The following KCNK2 variants were observed in gnomAD, a reference collection of about 807,000 sequenced individuals.
KCNK2 encodes potassium channel subfamily K member 2.
In KCNK2, 21 loss-of-function variants were observed where a neutral mutation model predicts 40.5. The observed-to-expected ratio is 0.52, with a 90% CI of 0.37 to 0.75. The LOEUF (loss-of-function observed/expected upper bound fraction) is 0.75, where lower values mean the gene tolerates loss of function less well. Among genes scored for constraint, KCNK2 ranks in the 30% least tolerant of loss-of-function variants. KCNK2 has a pLI of 0.00. For synonymous variants in KCNK2, 191 were observed against 202.2 expected (o/e 0.94, Z 0.47); for missense variants, 399 against 531.6 (o/e 0.75, Z 2.45).
chr1:215,021,994 T>A (rs540098495), intron 1 of KCNK2, among the ~76,000 whole-genome samples: 4 of 152,216 alleles, frequency 2.6e-5, no homozygotes, highest in Non-Finnish European at 5.9e-5. Flanking sequence ...TTCAGGCATT[T>A]TGGCTCAACT....
intron 1 of KCNK2, among the ~76,000 whole-genome samples, chr1:215,019,595 A>G (rs377643015): frequency 1.2e-3 from 178 of 152,318 alleles, no homozygotes; most frequent in African/African-American, 4.3e-3. Context: ...CATATTTACA[A>G]TTTTCATTTG....
intron 6 of KCNK2, among the ~76,000 whole-genome samples, chr1:215,230,998 C>G (rs1467099976): frequency 6.6e-6 from 1 of 152,186 alleles, no homozygotes; most frequent in East Asian, 1.9e-4. Context: ...TCCTAATTGG[C>G]AGGAATCACT....
At chr1:215,097,424 T>C (rs1660025951) in intron 2 of KCNK2, among the ~76,000 whole-genome samples, 1 of 151,668 alleles carries the variant, frequency 6.6e-6, no homozygotes, top group African/African-American at 2.4e-5. Context: ...CTTTCCTTTT[T>C]TTCTTAAAAA....
chr1:215,051,265 A>C (rs1363704370), intron 1 of KCNK2, among the ~76,000 whole-genome samples: 1 of 152,108 alleles, frequency 6.6e-6, no homozygotes, highest in Non-Finnish European at 1.5e-5. Context: ...TTTTATGTGG[A>C]AGATGGAAGG....
chr1:215,133,161 G>A (rs1473252741), intron 3 of KCNK2, among the ~76,000 whole-genome samples: 2 of 152,142 alleles, frequency 1.3e-5, no homozygotes, highest in African/African-American at 4.8e-5. Flanking sequence ...TATCTCTAGT[G>A]TAATTCAAGT....
At chr1:215,115,862 A>G (rs1377147966) in intron 2 of KCNK2, among the ~76,000 whole-genome samples, 1 of 152,044 alleles carries the variant, frequency 6.6e-6, no homozygotes, top group Non-Finnish European at 1.5e-5. Context: ...AGGAAGACTC[A>G]TGGAAAAATG....
chr1:215,148,113 C>G (rs144682795), intron 3 of KCNK2, among the ~76,000 whole-genome samples: 136 of 77,496 alleles, frequency 1.8e-3, no homozygotes, highest in African/African-American at 6.8e-3. Flanking sequence ...GGGTCTTGCT[C>G]TGTTGCCCAG....
chr1:215,149,477 C>T (rs1662589262), intron 3 of KCNK2, among the ~76,000 whole-genome samples: 1 of 152,094 alleles, frequency 6.6e-6, no homozygotes. Flanking sequence ...TGAAAAGATA[C>T]TTTATGAAGA....
At chr1:215,042,576 T>C (rs11120472) in intron 1 of KCNK2, among the ~76,000 whole-genome samples, 1,895 of 152,310 alleles carry the variant, frequency 0.012, 37 homozygotes, top group African/African-American at 0.043. Context: ...TGACTAAGAA[T>C]AAGAGTAGAA....
intron 2 of KCNK2, among the ~76,000 whole-genome samples, chr1:215,096,035 C>T (rs961169842): frequency 1.3e-5 from 2 of 152,090 alleles, no homozygotes; most frequent in South Asian, 2.1e-4. Context: ...ACTAAATTCA[C>T]GTGCTACCTG....
chr1:215,206,606 A>G (rs1203737523), intron 6 of KCNK2, among the ~76,000 whole-genome samples: 1 of 152,068 alleles, frequency 6.6e-6, no homozygotes, highest in Non-Finnish European at 1.5e-5. Flanking sequence ...TTGCGTCTCA[A>G]CTCCACAGAC....
At chr1:215,045,463 A>G (rs2102495683) in intron 1 of KCNK2, among the ~76,000 whole-genome samples, 1 of 152,296 alleles carries the variant, frequency 6.6e-6, no homozygotes, top group African/African-American at 2.4e-5. Flanking sequence ...CTAAAATTCA[A>G]AGAGAACTGT....
intron 3 of KCNK2, among the ~76,000 whole-genome samples, chr1:215,151,743 T>A (rs1186246291): frequency 6.6e-6 from 1 of 152,096 alleles, no homozygotes; most frequent in African/African-American, 2.4e-5. Context: ...TTCTTATAAA[T>A]CTTTGTTGCT....
intron 1 of KCNK2, among the ~76,000 whole-genome samples, chr1:215,043,280 G>C (rs932970803): frequency 1.3e-5 from 2 of 152,208 alleles, no homozygotes; most frequent in Admixed American, 1.3e-4. Flanking sequence ...CATTGATCCA[G>C]CAATTTCATT....
At chr1:215,218,411 A>T (rs1217972590) in intron 6 of KCNK2, among the ~76,000 whole-genome samples, 1 of 152,186 alleles carries the variant, frequency 6.6e-6, no homozygotes, top group African/African-American at 2.4e-5. Flanking sequence ...GAATCCTAGT[A>T]TCGCTACCCG....
At chr1:215,023,577 G>A (rs567933112) in intron 1 of KCNK2, among the ~76,000 whole-genome samples, 25 of 152,276 alleles carry the variant, frequency 1.6e-4, no homozygotes, top group South Asian at 4.2e-4. Context: ...CAGTGAGCCC[G>A]ACCATGTTAT....
chr1:215,103,191 G>A (rs1489566190), intron 2 of KCNK2, among the ~76,000 whole-genome samples: 2 of 151,694 alleles, frequency 1.3e-5, no homozygotes, highest in African/African-American at 4.8e-5. Context: ...AGAGGAGATG[G>A]CTGGTTAAGG....
intron 1 of KCNK2, among the ~76,000 whole-genome samples, chr1:215,070,575 C>G (rs1426650132): frequency 6.6e-6 from 1 of 152,030 alleles, no homozygotes; most frequent in Non-Finnish European, 1.5e-5. Context: ...CAGGGGAGCT[C>G]CCCTTCATAA....
intron 1 of KCNK2, among the ~76,000 whole-genome samples, chr1:215,031,824 T>C (rs1192616727): frequency 6.6e-6 from 1 of 152,170 alleles, no homozygotes; most frequent in Non-Finnish European, 1.5e-5. Flanking sequence ...TTCTTTTGGA[T>C]TTTCTTATTA....
Sources: gnomAD v4.1 joint callset for allele counts (sites outside exome capture counted in the v4.1 genomes callset) on GRCh38, gnomAD v4.1.1 for gene constraint, MANE v1.5 for transcripts, NCBI Gene and HGNC (gene_info 2026-07-23, HGNC 2026-07-21) for gene names.